PMEPA1: variants seen among roughly 807,000 people sequenced by gnomAD.
PMEPA1 encodes the protein prostate transmembrane protein, androgen induced 1.
PMEPA1 carries 11 observed loss-of-function variants against 23.0 expected under a neutral mutation model. That is an observed-to-expected ratio of 0.48 (90% CI 0.30 to 0.79). The LOEUF (loss-of-function observed/expected upper bound fraction) is 0.79. PMEPA1 is among the 30% of genes least tolerant of loss of function. The pLI, the probability that PMEPA1 is intolerant of heterozygous loss-of-function variation, is 0.06. For missense variants in PMEPA1, 377 were observed against 390.9 expected, an observed-to-expected ratio of 0.96 and a Z score of 0.30; for synonymous variants, 204 against 166.4, an observed-to-expected ratio of 1.23 and a Z score of -1.74.
intron 2 of PMEPA1, among the ~76,000 whole-genome samples, chr20:57,657,403 C>T (rs972077803): frequency 5.9e-5 from 9 of 152,206 alleles, no homozygotes; most frequent in Non-Finnish European, 1.2e-4. Context: ...GTGTGGCCTC[C>T]GGCAAATGTT....
At chr20:57,700,370 A>G (rs1233942256) in intron 1 of PMEPA1, among the ~76,000 whole-genome samples, 1 of 152,248 alleles carries the variant, frequency 6.6e-6, no homozygotes, top group Non-Finnish European at 1.5e-5. Context: ...AACACAAATA[A>G]GCACTTGGCA....
chr20:57,662,317 G>A (rs537900013), intron 1 of PMEPA1, among the ~76,000 whole-genome samples: 7 of 152,322 alleles, frequency 4.6e-5, no homozygotes, highest in Middle Eastern at 3.4e-3. Flanking sequence ...AAGAACGGGC[G>A]TTTTTATTAT....
At chr20:57,653,237 T>C in intron 2 of PMEPA1, 151 bp from the exon 3 acceptor site, 3 of 695,662 alleles carry the variant, frequency 4.3e-6, no homozygotes, top group Admixed American at 4.2e-5. Flanking sequence ...CCCCAGCCCC[T>C]GGCCCTGGGC....
At chr20:57,654,191 T>TGG (rs1186429148) in intron 2 of PMEPA1, among the ~76,000 whole-genome samples, 1 of 152,190 alleles carries the variant, frequency 6.6e-6, no homozygotes, top group African/African-American at 2.4e-5. Context: ...CGGTGAGCCC[T>TGG]GGGCCCGGGG....
At chr20:57,684,159 C>G (rs1438888582) in intron 1 of PMEPA1, among the ~76,000 whole-genome samples, 1 of 152,180 alleles carries the variant, frequency 6.6e-6, no homozygotes, top group Non-Finnish European at 1.5e-5. Context: ...AGCTTTTGTG[C>G]CCCCTACCAA....
At chr20:57,658,202 G>C (rs1375871129) in intron 2 of PMEPA1, among the ~76,000 whole-genome samples, 1 of 152,168 alleles carries the variant, frequency 6.6e-6, no homozygotes, top group Non-Finnish European at 1.5e-5. Flanking sequence ...GAAATTCTTG[G>C]GGTTTCCAGA....
Position 57,655,602 on chromosome 20 carries a change from C to A in PMEPA1, c.265-2516G>T, listed in dbSNP as rs1333146561. ...CAGAATTGTCTGGAACCTTCCCCAG[C>A]CTCTGGCTATGTCTGCCAGTCACCC... On this transcript the variant is annotated intron_variant, in intron 2 of 3. Coordinates refer to ENST00000341744, the MANE Select transcript of PMEPA1 (RefSeq NM_020182.5). This position sits in a 1 kb window ranked among gnomAD's most constrained non-coding sequence, Gnocchi z 4.2. 2.0e-5 allele frequency among the ~76,000 whole-genome samples: 3 copies of A among 152,204 alleles called. No individual in the cohort carries two copies. The highest frequency in any genetic ancestry group is 4.4e-5 in the Non-Finnish European group (3 of 68,030).
At chr20:57,680,043 T>C (rs1275711931) in intron 1 of PMEPA1, among the ~76,000 whole-genome samples, 2 of 152,154 alleles carry the variant, frequency 1.3e-5, no homozygotes, top group African/African-American at 4.8e-5. Flanking sequence ...TTGACCATCT[T>C]TGCAAGGTGA....
intron 1 of PMEPA1, among the ~76,000 whole-genome samples, chr20:57,687,745 G>A (rs1368675053): frequency 6.6e-6 from 1 of 152,194 alleles, no homozygotes; most frequent in Non-Finnish European, 1.5e-5. Context: ...TGGGCTCCAG[G>A]AGTCACCAGA....
intron 1 of PMEPA1, among the ~76,000 whole-genome samples, chr20:57,707,273 A>C (rs1011784140): frequency 2.0e-5 from 3 of 152,150 alleles, no homozygotes; most frequent in African/African-American, 7.2e-5. Context: ...TGGTGTAAAG[A>C]AACTCCAGGA....
At chr20:57,666,215 T>C (rs1406428446) in intron 1 of PMEPA1, among the ~76,000 whole-genome samples, 1 of 152,106 alleles carries the variant, frequency 6.6e-6, no homozygotes, top group Non-Finnish European at 1.5e-5. Flanking sequence ...CCATCCTCCT[T>C]TTCATGGTCT....
At chr20:57,661,398 T>A (rs1156791910) in intron 1 of PMEPA1, among the ~76,000 whole-genome samples, 1 of 152,148 alleles carries the variant, frequency 6.6e-6, no homozygotes, top group South Asian at 2.1e-4. Flanking sequence ...CCAAAGCTCC[T>A]CCAGCTTCGC....
At chr20:57,661,374 G>A (rs766378618) in intron 1 of PMEPA1, among the ~76,000 whole-genome samples, 11 of 152,286 alleles carry the variant, frequency 7.2e-5, no homozygotes, top group African/African-American at 2.2e-4. Context: ...GGCACCAGCC[G>A]GCAGCGTCCG....
rs550002411 is a variant in PMEPA1 at position 57,650,117 on chromosome 20, T to C, written c.*1936A>G. ...AGGCTGGCGGCATGCAGAGCCCACG[T>C]CTGTCAGCTGCCACCTTCGTAAAGC... On this transcript the variant is annotated 3_prime_UTR_variant, in exon 4 of 4. Coordinates refer to ENST00000341744, the MANE Select transcript of PMEPA1 (RefSeq NM_020182.5). 1 of 152,328 alleles carries C rather than the reference T, an allele frequency of 6.6e-6. No homozygotes were observed. Among genetic ancestry groups the C allele is most frequent in the Non-Finnish European group, 1.5e-5 (1 of 68,024 alleles). 9.4% of individuals were successfully genotyped at this position (152,328 alleles called of 1,614,324 possible). A position where few individuals can be genotyped will look rare whatever the true frequency, so the allele number is the denominator to read the frequency against.
In PMEPA1 at chr20:57,695,795, G is replaced by T. The variant is rs775951349; in HGVS notation, c.109+13679C>A. Reference sequence around the variant, plus strand: ...CTTGGGGCTGAGGGCAGCTTAGCGGGCTTAACTCTGCCACACCCTGGAATT... The same window carrying T: ...CTTGGGGCTGAGGGCAGCTTAGCGGTCTTAACTCTGCCACACCCTGGAATT... On this transcript the variant is annotated intron_variant, in intron 1 of 3. Coordinates refer to ENST00000341744, the MANE Select transcript of PMEPA1 (RefSeq NM_020182.5). Among the ~76,000 whole-genome samples the T allele has an allele frequency of 3.9e-5, 6 of 152,272 alleles. No homozygotes were observed. In the South Asian group the frequency reaches 1.2e-3, roughly 32 times the overall value.
chr20:57,658,543 G>A (rs1478127250), intron 2 of PMEPA1, among the ~76,000 whole-genome samples: 2 of 152,184 alleles, frequency 1.3e-5, no homozygotes, highest in African/African-American at 4.8e-5. Context: ...TGGATGGATG[G>A]AAGTGCTTTT....
rs1025442154 is a variant in PMEPA1, at chr20:57,652,674, G to A, written c.319-76C>T. On this transcript the variant is annotated intron_variant, in intron 3 of 3. Transcript: ENST00000341744. This position sits in a 1 kb window ranked among gnomAD's most constrained non-coding sequence, Gnocchi z 6.1. The stretch of plus-strand genomic sequence containing the variant: ...GTCCAGAAGCGATCCTGAGACTGGA[G>A]TTCTGCTGCATGGGACTTGGCTCTC... The A allele has an allele frequency of 7.3e-6, 9 of 1,230,496 alleles. No homozygotes were observed. In the African/African-American group the frequency reaches 9.1e-5, roughly 12 times the overall value. 76.2% of individuals were successfully genotyped at this position (1,230,496 alleles called of 1,614,324 possible). A position where few individuals can be genotyped will look rare whatever the true frequency, so the allele number is the denominator to read the frequency against.
Position 57,683,803 on chromosome 20 carries a change from G to A in PMEPA1, c.110-24106C>T, listed in dbSNP as rs2071760489. On this transcript the variant is annotated intron_variant, in intron 1 of 3. Transcript: ENST00000341744. This position sits in a 1 kb window ranked among gnomAD's most constrained non-coding sequence, Gnocchi z 4.3. ...GAGCCCAGCAGCTCTCAGAGTTCTT[G>A]GAGTTCTCGGCCTCCGAAGCACACT... Among the ~76,000 whole-genome samples, 1 of 151,598 alleles carries A rather than the reference G, an allele frequency of 6.6e-6. No individual in the cohort carries two copies. The highest frequency in any genetic ancestry group is 2.1e-4 in the South Asian group (1 of 4,746).
chr20:57,666,193 G>A (rs889140007), intron 1 of PMEPA1, among the ~76,000 whole-genome samples: 1 of 152,000 alleles, frequency 6.6e-6, no homozygotes, highest in Non-Finnish European at 1.5e-5. Flanking sequence ...CGTGTGCCTC[G>A]TTGGAGAGGC....
Sources: allele counts gnomAD v4.1 joint callset (sites outside exome capture counted in the v4.1 genomes callset), GRCh38; gene constraint gnomAD v4.1.1; non-coding constraint Gnocchi (gnomAD v3.1); transcripts MANE v1.5; gene names NCBI Gene and HGNC (gene_info 2026-07-23, HGNC 2026-07-21).